The following KIF27 variants were observed in gnomAD, a reference collection of about 807,000 sequenced individuals.
KIF27 encodes kinesin-like protein KIF27.
In KIF27, 84 loss-of-function variants were observed where a neutral mutation model predicts 141.8. The observed-to-expected ratio is 0.59, with a 90% CI of 0.50 to 0.71. KIF27 has a LOEUF of 0.71. KIF27 is among the 30% of genes least tolerant of loss of function. KIF27 has a pLI of 0.00. For synonymous variants in KIF27, 471 were observed against 569.5 expected (o/e 0.83, Z 2.46); for missense variants, 1,306 against 1,628.4 (o/e 0.80, Z 3.41).
chr9:83,915,601 G>C lies in KIF27; in HGVS notation c.-10C>G. On this transcript the variant is annotated 5_prime_UTR_variant, in exon 2 of 18. It adds an upstream start codon to the 5' untranslated region. Coordinates refer to ENST00000297814, the MANE Select transcript of KIF27 (RefSeq NM_017576.4). ...CTGGTATTTCTTCCATGGCAACTTAGATTTTACTAAATAGATTTTCTATTT... is the reference window on the plus strand; with the variant it reads ...CTGGTATTTCTTCCATGGCAACTTACATTTTACTAAATAGATTTTCTATTT... The C allele has an allele frequency of 6.3e-7, 1 of 1,580,754 alleles. No individual in the cohort carries two copies. The highest frequency in any genetic ancestry group is 8.6e-7 in the Non-Finnish European group (1 of 1,165,662).
intron 5 of KIF27, among the ~76,000 whole-genome samples, chr9:83,893,367 G>T (rs1454766511): frequency 6.6e-6 from 1 of 152,086 alleles, no homozygotes; most frequent in African/African-American, 2.4e-5. Flanking sequence ...TTCTTCTCAA[G>T]TACCTCTGTA....
At chr9:83,872,710 T>C (rs185685438) in intron 11 of KIF27, among the ~76,000 whole-genome samples, 82 of 152,304 alleles carry the variant, frequency 5.4e-4, no homozygotes, top group African/African-American at 1.7e-3. Flanking sequence ...AAAAGCCTAG[T>C]GCTCTCCAGC....
intron 14 of KIF27, 109 bp from the exon 15 acceptor site, chr9:83,853,944 G>C: frequency 1.3e-6 from 1 of 790,370 alleles, no homozygotes; most frequent in Non-Finnish European, 2.0e-6. Context: ...TACCACTCTT[G>C]TACTAGATTT....
At chr9:83,920,893 GGTGGGAAATGCGCCCAAGTTTCAACCTC>G (rs1956203136) in intron 1 of KIF27, among the ~76,000 whole-genome samples, 1 of 151,136 alleles carries the variant, frequency 6.6e-6, no homozygotes, top group Non-Finnish European at 1.5e-5. Context: ...CAACCTCTAC[GGTGGGAAATGCGCCCAAGTTTCAACCTC>G]TACGGTGGGA....
At chr9:83,857,966 G>GTTTTT (rs373203891) in intron 14 of KIF27, among the ~76,000 whole-genome samples, 1 of 123,352 alleles carries the variant, frequency 8.1e-6, no homozygotes, top group East Asian at 2.4e-4. Flanking sequence ...AATACTTTGG[G>GTTTTT]TTTTTTTTTT....
intron 10 of KIF27, among the ~76,000 whole-genome samples, chr9:83,881,137 C>G (rs1021535892): frequency 2.6e-5 from 4 of 151,742 alleles, no homozygotes; most frequent in African/African-American, 9.7e-5. Context: ...CTGAGAGTGA[C>G]CAACCATTAT....
chr9:83,909,038 G>A (rs1954870776), intron 2 of KIF27, among the ~76,000 whole-genome samples: 1 of 152,146 alleles, frequency 6.6e-6, no homozygotes, highest in Non-Finnish European at 1.5e-5. Flanking sequence ...TATCTACTAT[G>A]TGCCAGGCAC....
chr9:83,888,234 T>C (rs986799823), intron 8 of KIF27, among the ~76,000 whole-genome samples: 11 of 150,594 alleles, frequency 7.3e-5, no homozygotes, highest in Non-Finnish European at 1.5e-4. Flanking sequence ...GGTCTGAATA[T>C]AAAAATCCTT....
intron 15 of KIF27, among the ~76,000 whole-genome samples, chr9:83,852,031 G>GATCCTAGCTACTCAA (rs1948647756): frequency 1.3e-5 from 2 of 152,078 alleles, no homozygotes; most frequent in South Asian, 4.1e-4. Context: ...AGGAGGCTGA[G>GATCCTAGCTACTCAA]GCAGGAGAAT....
At chr9:83,887,792 T>C (rs887000731) in intron 8 of KIF27, among the ~76,000 whole-genome samples, 18 of 152,022 alleles carry the variant, frequency 1.2e-4, no homozygotes, top group African/African-American at 4.3e-4. Flanking sequence ...GCATGGCTGC[T>C]TGAGTAGCAT....
chr9:83,851,155 T>C (rs1277855454), intron 15 of KIF27, among the ~76,000 whole-genome samples: 2 of 151,748 alleles, frequency 1.3e-5, no homozygotes, highest in East Asian at 2.0e-4. Flanking sequence ...ATTTTTAATA[T>C]ACTGTTGCTC....
intron 3 of KIF27, among the ~76,000 whole-genome samples, chr9:83,907,352 G>GA: frequency 6.7e-6 from 1 of 149,324 alleles, no homozygotes; most frequent in Non-Finnish European, 1.5e-5. Context: ...TATGTACATA[G>GA]AAAAATAATT....
chr9:83,920,167 G>A (rs2132908069), intron 1 of KIF27, among the ~76,000 whole-genome samples: 1 of 152,242 alleles, frequency 6.6e-6, no homozygotes, highest in East Asian at 1.9e-4. Context: ...GGAGGTTGAG[G>A]CTGCAGTGTG....
At chr9:83,913,967 T>C (rs1239883295) in intron 2 of KIF27, among the ~76,000 whole-genome samples, 1 of 152,016 alleles carries the variant, frequency 6.6e-6, no homozygotes, top group Non-Finnish European at 1.5e-5. Context: ...GAAAACACCA[T>C]CCAAAATGTT....
At chr9:83,919,065 G>T (rs1955990948) in intron 1 of KIF27, among the ~76,000 whole-genome samples, 1 of 152,058 alleles carries the variant, frequency 6.6e-6, no homozygotes, top group Admixed American at 6.6e-5. Flanking sequence ...GATACACCAA[G>T]ACTGTCTCAA....
chr9:83,891,176 C>T (rs1050593336), intron 6 of KIF27, 119 bp downstream of exon 6: 4 of 725,836 alleles, frequency 5.5e-6, no homozygotes, highest in African/African-American at 5.4e-5. Flanking sequence ...AAGGTATACA[C>T]AAAATTCCAT....
intron 11 of KIF27, among the ~76,000 whole-genome samples, chr9:83,875,687 G>A (rs1056082215): frequency 1.3e-5 from 2 of 152,068 alleles, no homozygotes; most frequent in Non-Finnish European, 2.9e-5. Context: ...AAGGTATAAC[G>A]TCACAAAAGC....
chr9:83,914,036 G>C (rs1177178665), intron 2 of KIF27, among the ~76,000 whole-genome samples: 1 of 151,250 alleles, frequency 6.6e-6, no homozygotes, highest in Non-Finnish European at 1.5e-5. Context: ...AAATATGTTA[G>C]GACAATAGAT....
chr9:83,873,491 T>A (rs1216362409), intron 11 of KIF27, among the ~76,000 whole-genome samples: 4 of 152,134 alleles, frequency 2.6e-5, no homozygotes, highest in Non-Finnish European at 5.9e-5. Flanking sequence ...CCAGCAATAA[T>A]CATGACATGG....
Sources: allele counts gnomAD v4.1 joint callset (sites outside exome capture counted in the v4.1 genomes callset), GRCh38; gene constraint gnomAD v4.1.1; transcripts MANE v1.5; gene names NCBI Gene and HGNC (gene_info 2026-07-23, HGNC 2026-07-21).